CEP83: variants seen among roughly 807,000 people sequenced by gnomAD.
CEP83 encodes the protein centrosomal protein of 83 kDa.
Under a neutral mutation model 101.9 loss-of-function variants are expected in CEP83, and 70 were observed. That is an observed-to-expected ratio of 0.69 (90% CI 0.57 to 0.84). The LOEUF is 0.84. Among genes scored for constraint, CEP83 ranks in the 40% least tolerant of loss-of-function variants. CEP83 has a pLI of 0.00. For missense variants in CEP83, 715 were observed against 787.2 expected (o/e 0.91, Z 1.10); for synonymous variants, 264 against 267.9 (o/e 0.99, Z 0.14).
intron 11 of CEP83, among the ~76,000 whole-genome samples, chr12:94,341,434 T>C (rs1263046259): frequency 2.0e-5 from 3 of 152,096 alleles, no homozygotes; most frequent in African/African-American, 7.2e-5. Flanking sequence ...AAATAGGAGG[T>C]GCTGCAATTA....
chr12:94,296,185 C>T, the CEP83 span, among the ~76,000 whole-genome samples: 1 of 152,122 alleles, frequency 6.6e-6, no homozygotes, highest in Non-Finnish European at 1.5e-5. Flanking sequence ...ATTTTTAAGA[C>T]AGTGTCTCGC....
At chr12:94,377,923 C>A (rs1343751062) in intron 7 of CEP83, among the ~76,000 whole-genome samples, 3 of 152,022 alleles carry the variant, frequency 2.0e-5, no homozygotes, top group Non-Finnish European at 4.4e-5. Context: ...ACTGACAGAG[C>A]GTCATGTAAC....
At chr12:94,426,781 A>C (rs2065234664) in intron 2 of CEP83, among the ~76,000 whole-genome samples, 1 of 152,160 alleles carries the variant, frequency 6.6e-6, no homozygotes. Flanking sequence ...AAGGAGAGGG[A>C]GTTTGAGACT....
At chr12:94,398,599 T>C (rs549766634) in intron 6 of CEP83, among the ~76,000 whole-genome samples, 2 of 152,232 alleles carry the variant, frequency 1.3e-5, no homozygotes, top group African/African-American at 2.4e-5. Context: ...GTTTGAACAA[T>C]ATGAAATCAG....
At chr12:94,301,343 G>T in the CEP83 span, among the ~76,000 whole-genome samples, 3 of 152,056 alleles carry the variant, frequency 2.0e-5, no homozygotes, top group Admixed American at 6.6e-5. Context: ...AATATTCTAT[G>T]GACACTGATA....
intron 6 of CEP83, among the ~76,000 whole-genome samples, chr12:94,393,405 A>G (rs539426707): frequency 3.3e-5 from 5 of 152,264 alleles, no homozygotes; most frequent in East Asian, 1.9e-4. Flanking sequence ...TGCAGAAAAG[A>G]CCTTTGACAA....
intron 2 of CEP83, among the ~76,000 whole-genome samples, chr12:94,434,310 T>C (rs1484589050): frequency 6.6e-6 from 1 of 152,202 alleles, no homozygotes; most frequent in African/African-American, 2.4e-5. Flanking sequence ...CAAAAAAATG[T>C]TTATACACAA....
intron 1 of CEP83, among the ~76,000 whole-genome samples, chr12:94,447,507 A>G (rs2066899670): frequency 6.6e-6 from 1 of 152,230 alleles, no homozygotes. Flanking sequence ...GTCTGGAAAA[A>G]AAAGAAAAAT....
At chr12:94,387,714 A>G (rs2062234470) in intron 6 of CEP83, among the ~76,000 whole-genome samples, 1 of 152,196 alleles carries the variant, frequency 6.6e-6, no homozygotes, top group South Asian at 2.1e-4. Context: ...TAGAATCTAT[A>G]AGGAATTTAC....
chr12:94,337,574 T>G (rs1169459425), intron 11 of CEP83, among the ~76,000 whole-genome samples: 1 of 152,198 alleles, frequency 6.6e-6, no homozygotes, highest in African/African-American at 2.4e-5. Flanking sequence ...GTATCTCTTT[T>G]TATTAGGTTT....
intron 6 of CEP83, among the ~76,000 whole-genome samples, chr12:94,400,398 T>C (rs1369251578): frequency 1.3e-5 from 2 of 152,184 alleles, no homozygotes; most frequent in Non-Finnish European, 2.9e-5. Context: ...AGTCTATTTC[T>C]TGAAGTTGAT....
chr12:94,334,558 C>G (rs564670695), intron 12 of CEP83, among the ~76,000 whole-genome samples: 2 of 152,148 alleles, frequency 1.3e-5, no homozygotes, highest in African/African-American at 4.8e-5. Flanking sequence ...CAAAGACAGT[C>G]AAGAGACAGG....
intron 1 of CEP83, among the ~76,000 whole-genome samples, chr12:94,437,248 G>A (rs1162783847): frequency 6.6e-6 from 1 of 151,962 alleles, no homozygotes; most frequent in East Asian, 1.9e-4. Context: ...AGGAGGCTGA[G>A]GCAGGACAAT....
the CEP83 span, among the ~76,000 whole-genome samples, chr12:94,271,996 T>C: frequency 3.8e-4 from 58 of 152,238 alleles, no homozygotes; most frequent in African/African-American, 1.3e-3. Flanking sequence ...CAGTATCCCA[T>C]TGGGCAGATG....
intron 14 of CEP83, among the ~76,000 whole-genome samples, chr12:94,331,289 GAAAAAAAAAAAAAAA>G (rs568464808): frequency 0.12 from 5,186 of 44,082 alleles, 212 homozygotes; most frequent in Middle Eastern, 0.17. Flanking sequence ...CAGACTCTCA[GAAAAAAAAAAAAAAA>G]AAAAAAAAAA....
At chr12:94,418,285 T>C (rs6538497) in intron 2 of CEP83, among the ~76,000 whole-genome samples, 27,984 of 152,114 alleles carry the variant, frequency 0.18, 2,834 homozygotes, top group African/African-American at 0.27. Flanking sequence ...TGCTTGAATC[T>C]GGGAGGCAGA....
chr12:94,315,944 T>A (rs1970618946), intron 14 of CEP83, among the ~76,000 whole-genome samples: 1 of 152,170 alleles, frequency 6.6e-6, no homozygotes, highest in Non-Finnish European at 1.5e-5. Context: ...TTTTAAGTCC[T>A]CTAGTTTTAT....
chr12:94,325,323 C>A (rs2058928814), intron 14 of CEP83, among the ~76,000 whole-genome samples: 1 of 152,160 alleles, frequency 6.6e-6, no homozygotes, highest in African/African-American at 2.4e-5. Context: ...CAGGCACCCG[C>A]CACCATGCCC....
At chr12:94,382,203 T>C (rs1371469725) in intron 6 of CEP83, among the ~76,000 whole-genome samples, 1 of 152,036 alleles carries the variant, frequency 6.6e-6, no homozygotes, top group East Asian at 1.9e-4. Flanking sequence ...TCATGAGTGA[T>C]ACTCTTTCAT....
Sources: gnomAD v4.1 joint callset for allele counts (sites outside exome capture counted in the v4.1 genomes callset) on GRCh38, gnomAD v4.1.1 for gene constraint, MANE v1.5 for transcripts, NCBI Gene and HGNC (gene_info 2026-07-23, HGNC 2026-07-21) for gene names.